EYS: variants seen among roughly 807,000 people sequenced by gnomAD.
EYS encodes protein eyes shut homolog.
In EYS, 250 loss-of-function variants were observed where a neutral mutation model predicts 282.1. The ratio of observed to expected loss-of-function variants is 0.89; its 90% CI spans 0.80 to 0.98. EYS has a LOEUF of 0.98. Among genes scored for constraint, EYS ranks in the 50% least tolerant of loss-of-function variants. EYS has a pLI of 0.00. For synonymous variants in EYS, 1,355 were observed against 1,282.9 expected (o/e 1.06, Z -1.20); for missense variants, 4,016 against 3,709.0 (o/e 1.08, Z -2.15).
chr6:63,951,902 G>T (rs1210362086), intron 35 of EYS, among the ~76,000 whole-genome samples: 2 of 152,100 alleles, frequency 1.3e-5, no homozygotes, highest in African/African-American at 4.8e-5. Flanking sequence ...GACTCTGAAA[G>T]GTCAGAAGGC....
intron 22 of EYS, among the ~76,000 whole-genome samples, chr6:64,635,944 A>T (rs148281662): frequency 1.3e-3 from 197 of 151,384 alleles, no homozygotes; most frequent in African/African-American, 4.5e-3. Flanking sequence ...ATGTGAATCC[A>T]TCTGGTCCTG....
chr6:64,425,481 C>T (rs976610677), intron 28 of EYS, among the ~76,000 whole-genome samples: 2 of 151,756 alleles, frequency 1.3e-5, no homozygotes, highest in African/African-American at 4.8e-5. Context: ...ATGGCAAAAC[C>T]CTGTCTCTAC....
chr6:65,030,832 T>C (rs1308539362), intron 13 of EYS, among the ~76,000 whole-genome samples: 1 of 152,084 alleles, frequency 6.6e-6, no homozygotes, highest in East Asian at 1.9e-4. Flanking sequence ...TAGGTAAATG[T>C]CTTAGTTAAA....
At chr6:64,628,567 C>G (rs1278732637) in intron 22 of EYS, among the ~76,000 whole-genome samples, 4 of 152,036 alleles carry the variant, frequency 2.6e-5, no homozygotes, top group Non-Finnish European at 5.9e-5. Context: ...ACCATCACAC[C>G]TGCCTAATTT....
At chr6:64,907,279 G>A (rs922271001) in intron 16 of EYS, among the ~76,000 whole-genome samples, 1 of 151,984 alleles carries the variant, frequency 6.6e-6, no homozygotes, top group East Asian at 1.9e-4. Context: ...GGAGCTATTG[G>A]CCTCAAGCAA....
chr6:63,785,392 C>T (rs1770335921), intron 39 of EYS, among the ~76,000 whole-genome samples: 3 of 152,094 alleles, frequency 2.0e-5, no homozygotes, highest in Admixed American at 2.0e-4. Context: ...GTCTTCCTTC[C>T]TTCATTCCGT....
chr6:65,620,556 GT>G (rs1188100801), intron 2 of EYS, among the ~76,000 whole-genome samples: 2 of 150,712 alleles, frequency 1.3e-5, no homozygotes, highest in African/African-American at 4.9e-5. Flanking sequence ...ATTTCCTTCA[GT>G]TCTGCTCTGA....
intron 36 of EYS, among the ~76,000 whole-genome samples, chr6:63,844,192 T>C (rs1288783475): frequency 1.3e-5 from 2 of 152,230 alleles, no homozygotes; most frequent in Non-Finnish European, 2.9e-5. Flanking sequence ...AATTCATTCC[T>C]TTTTATGGCT....
intron 8 of EYS, among the ~76,000 whole-genome samples, chr6:65,377,423 G>A (rs772172428): frequency 5.9e-5 from 9 of 152,068 alleles, no homozygotes; most frequent in Non-Finnish European, 1.3e-4. Context: ...CAGAAAGCAG[G>A]AAAGATCTAA....
chr6:65,103,767 T>A (rs566154515), intron 12 of EYS, among the ~76,000 whole-genome samples: 1 of 151,592 alleles, frequency 6.6e-6, no homozygotes, highest in South Asian at 2.1e-4. Context: ...CTGAATTTCC[T>A]GCTCACTTAA....
At chr6:65,658,958 G>A (rs1297704815) in intron 1 of EYS, among the ~76,000 whole-genome samples, 1 of 150,998 alleles carries the variant, frequency 6.6e-6, no homozygotes, top group Non-Finnish European at 1.5e-5. Context: ...GGTTTGTTTA[G>A]CTTTATTCTC....
chr6:65,067,204 A>G (rs1373265641), intron 12 of EYS, among the ~76,000 whole-genome samples: 1 of 152,142 alleles, frequency 6.6e-6, no homozygotes, highest in Non-Finnish European at 1.5e-5. Flanking sequence ...TCCATTTCCA[A>G]ACTAACTCAA....
chr6:65,176,377 T>C (rs9453216), intron 12 of EYS, among the ~76,000 whole-genome samples: 17,983 of 151,518 alleles, frequency 0.12, 1,383 homozygotes, highest in African/African-American at 0.22. Flanking sequence ...TCCCTGTATG[T>C]TGACTTCCCA....
At position 64,997,899 on chromosome 6, in the gene EYS, TA is replaced by T. The variant is rs200128743; in HGVS notation, c.2138-197del. ...CCATCTTATTCAGTTCTATTTAACT[TA>T]AAAAAAAAACTTCAGTTAGTTGAAA... On this transcript the variant is annotated intron_variant, in intron 13 of 42. Coordinates refer to ENST00000503581, the MANE Select transcript of EYS (RefSeq NM_001142800.2). Among the ~76,000 whole-genome samples the T allele has an allele frequency of 1.3e-3, 194 of 149,400 alleles. 1 individual carries two copies. Among genetic ancestry groups the T allele is most frequent in the Middle Eastern group, 6.9e-3 (2 of 288 alleles).
At chr6:63,972,686 C>A (rs1766641429) in intron 35 of EYS, among the ~76,000 whole-genome samples, 1 of 152,084 alleles carries the variant, frequency 6.6e-6, no homozygotes, top group African/African-American at 2.4e-5. Flanking sequence ...GCTATCCCTC[C>A]CTTAGCCCCC....
chr6:64,587,740 T>C (rs7740554), intron 26 of EYS, among the ~76,000 whole-genome samples: 2,254 of 152,108 alleles, frequency 0.015, 49 homozygotes, highest in African/African-American at 0.052. Context: ...ATGACTACTA[T>C]GGCAACATCT....
chr6:64,112,713 T>TA (rs1773245919), intron 31 of EYS, among the ~76,000 whole-genome samples: 1 of 150,074 alleles, frequency 6.7e-6, no homozygotes, highest in Admixed American at 6.7e-5. Flanking sequence ...AATTAAAGAA[T>TA]AAAAATTTAC....
At chr6:64,431,707 T>G (rs990257495) in intron 28 of EYS, among the ~76,000 whole-genome samples, 3 of 152,168 alleles carry the variant, frequency 2.0e-5, no homozygotes, top group Non-Finnish European at 4.4e-5. Context: ...TTTGATGACC[T>G]ATACAACCTG....
chr6:63,962,285 T>C (rs1766102899), intron 35 of EYS, among the ~76,000 whole-genome samples: 1 of 152,176 alleles, frequency 6.6e-6, no homozygotes, highest in Admixed American at 6.5e-5. Flanking sequence ...AAAGAGCTTC[T>C]GCACAGCAAA....
Sources: allele counts gnomAD v4.1 joint callset (sites outside exome capture counted in the v4.1 genomes callset), GRCh38; gene constraint gnomAD v4.1.1; transcripts MANE v1.5; gene names NCBI Gene and HGNC (gene_info 2026-07-23, HGNC 2026-07-21).